CCDC178: variants seen among roughly 807,000 people sequenced by gnomAD.
CCDC178 encodes the protein coiled-coil domain-containing protein 178.
Under a neutral mutation model 117.4 loss-of-function variants are expected in CCDC178, and 126 were observed. That is an observed-to-expected ratio of 1.07 (90% CI 0.93 to 1.24). CCDC178 has a LOEUF of 1.24. CCDC178 is among the 50% of genes most tolerant of loss of function. CCDC178 has a pLI of 0.00. For synonymous variants in CCDC178, 283 were observed against 313.4 expected (o/e 0.90, Z 1.02); for missense variants, 1,030 against 986.9 (o/e 1.04, Z -0.59).
chr18:33,152,275 T>G (rs2058350006), intron 20 of CCDC178, among the ~76,000 whole-genome samples: 1 of 152,146 alleles, frequency 6.6e-6, no homozygotes, highest in Non-Finnish European at 1.5e-5. Flanking sequence ...ACCCAGGGCA[T>G]TATCAATCAA....
intron 22 of CCDC178, among the ~76,000 whole-genome samples, chr18:32,952,862 C>T (rs1357000210): frequency 4.6e-5 from 7 of 151,410 alleles, no homozygotes; most frequent in Non-Finnish European, 8.8e-5. Flanking sequence ...CAAGCTCCGC[C>T]TCCTGGGTTC....
chr18:33,290,364 G>C (rs1303855785), intron 12 of CCDC178, among the ~76,000 whole-genome samples: 2 of 152,080 alleles, frequency 1.3e-5, no homozygotes, highest in Non-Finnish European at 2.9e-5. Context: ...ATTAGATGAA[G>C]ATGGAAGGGT....
chr18:33,326,916 A>G (rs1395707146), intron 10 of CCDC178, among the ~76,000 whole-genome samples: 1 of 151,770 alleles, frequency 6.6e-6, no homozygotes, highest in Non-Finnish European at 1.5e-5. Context: ...CAGTCCTTTG[A>G]CATGTTGTAA....
At chr18:33,252,988 C>T (rs2059634748) in intron 14 of CCDC178, among the ~76,000 whole-genome samples, 1 of 151,774 alleles carries the variant, frequency 6.6e-6, no homozygotes, top group African/African-American at 2.4e-5. Flanking sequence ...TCATTTTAAA[C>T]AAGCTCATTT....
At chr18:33,031,415 G>C (rs964226381) in intron 21 of CCDC178, among the ~76,000 whole-genome samples, 9 of 151,708 alleles carry the variant, frequency 5.9e-5, no homozygotes, top group Non-Finnish European at 1.3e-4. Context: ...GCAGCTGCTA[G>C]ATTTATTTTC....
chr18:33,179,467 G>T (rs2058709293), intron 20 of CCDC178, among the ~76,000 whole-genome samples: 1 of 151,600 alleles, frequency 6.6e-6, no homozygotes, highest in Non-Finnish European at 1.5e-5. Flanking sequence ...AATTTTATCT[G>T]TATATCATTC....
chr18:33,316,238 CG>C (rs2062413837), intron 11 of CCDC178, among the ~76,000 whole-genome samples: 1 of 152,134 alleles, frequency 6.6e-6, no homozygotes, highest in Non-Finnish European at 1.5e-5. Flanking sequence ...GGAGAGGCGC[CG>C]GCGGGAACCG....
chr18:33,067,615 C>T (rs2057039377), intron 21 of CCDC178, among the ~76,000 whole-genome samples: 3 of 152,140 alleles, frequency 2.0e-5, no homozygotes, highest in South Asian at 4.1e-4. Flanking sequence ...GAGGCTGAAG[C>T]GGGTGGATGA....
intron 2 of CCDC178, among the ~76,000 whole-genome samples, chr18:33,414,278 A>T (rs1233696400): frequency 6.6e-6 from 1 of 152,204 alleles, no homozygotes; most frequent in African/African-American, 2.4e-5. Context: ...GTTTAATTTT[A>T]ATGTAGCTGT....
At chr18:33,288,524 C>T (rs538224058) in intron 12 of CCDC178, among the ~76,000 whole-genome samples, 12 of 150,428 alleles carry the variant, frequency 8.0e-5, no homozygotes, top group African/African-American at 2.9e-4. Context: ...TCAACAAGCA[C>T]TTATTGTCTA....
At chr18:33,309,695 T>A (rs1283343011) in intron 11 of CCDC178, among the ~76,000 whole-genome samples, 1 of 152,108 alleles carries the variant, frequency 6.6e-6, no homozygotes, top group African/African-American at 2.4e-5. Flanking sequence ...TTCTAATGAA[T>A]CTATAGTTCT....
intron 12 of CCDC178, 115 bp downstream of exon 12, chr18:33,293,044 A>G: frequency 1.5e-6 from 1 of 649,124 alleles, no homozygotes; most frequent in Non-Finnish European, 2.5e-6. Context: ...ATACAGGCAA[A>G]TTGGCTAAAT....
At position 33,333,368 on chromosome 18, in the gene CCDC178, T is replaced by A; in HGVS notation, c.685A>T (p.Ile229Leu). 1 of 1,608,092 alleles carries A rather than the reference T, an allele frequency of 6.2e-7. No individual in the cohort carries two copies. Among genetic ancestry groups the A allele is most frequent in the Non-Finnish European group, 8.5e-7 (1 of 1,176,684 alleles). The change falls in exon 10 of 23, where the codon ATA becomes TTA. Residue 229 changes from isoleucine to leucine, a missense_variant. Ile to Leu is a conservative substitution (Grantham distance 5). Coordinates refer to ENST00000383096, the MANE Select transcript of CCDC178 (RefSeq NM_001105528.4). ...TCTTCAAGATGCCATTGTAATTCTA[T>A]AACATCACTCAAATAGGCCTCATGT... ...KEHEAYLSDVIELQWHLEDKA... is the reference protein window; with the variant it reads ...KEHEAYLSDVLELQWHLEDKA...
chr18:33,003,624 T>C (rs1359234244), intron 21 of CCDC178, among the ~76,000 whole-genome samples: 1 of 152,010 alleles, frequency 6.6e-6, no homozygotes, highest in Non-Finnish European at 1.5e-5. Flanking sequence ...ATCTGGAACA[T>C]GACAAGGATG....
chr18:33,015,365 A>C (rs1345341986), intron 21 of CCDC178, among the ~76,000 whole-genome samples: 1 of 152,060 alleles, frequency 6.6e-6, no homozygotes, highest in East Asian at 1.9e-4. Flanking sequence ...GGAGACCGAG[A>C]CCATCCTGGC....
chr18:33,404,702 C>A (rs2144873920), intron 3 of CCDC178, among the ~76,000 whole-genome samples: 1 of 152,016 alleles, frequency 6.6e-6, no homozygotes, highest in East Asian at 1.9e-4. Flanking sequence ...AAAACAGAAA[C>A]AACTAAAACA....
chr18:33,067,189 A>G (rs556811326), intron 21 of CCDC178, among the ~76,000 whole-genome samples: 22 of 152,344 alleles, frequency 1.4e-4, no homozygotes, highest in Admixed American at 1.3e-3. Flanking sequence ...CTAGAAATCA[A>G]CAACAAGATG....
At chr18:33,094,367 CTAATT>C (rs1177399011) in intron 20 of CCDC178, among the ~76,000 whole-genome samples, 2 of 152,022 alleles carry the variant, frequency 1.3e-5, no homozygotes, top group Non-Finnish European at 2.9e-5. Context: ...GATAGCTATA[CTAATT>C]TAAGATTTTG....
chr18:32,971,645 G>T (rs2054927587), intron 22 of CCDC178, among the ~76,000 whole-genome samples: 1 of 152,140 alleles, frequency 6.6e-6, no homozygotes, highest in Non-Finnish European at 1.5e-5. Flanking sequence ...CATCAAAAAT[G>T]TAAAAGCATT....
Sources: gnomAD v4.1 joint callset for allele counts (sites outside exome capture counted in the v4.1 genomes callset) on GRCh38, gnomAD v4.1.1 for gene constraint, MANE v1.5 for transcripts, NCBI Gene and HGNC (gene_info 2026-07-23, HGNC 2026-07-21) for gene names.